Variants in HCN1 observed in about 807,000 individuals in gnomAD.
HCN1 encodes hyperpolarization activated cyclic nucleotide gated potassium channel 1, also known as potassium/sodium hyperpolarization-activated cyclic nucleotide-gated channel 1.
HCN1 carries 13 observed loss-of-function variants against 78.9 expected under a neutral mutation model. That is an observed-to-expected ratio of 0.16 (90% CI 0.11 to 0.26). The LOEUF (loss-of-function observed/expected upper bound fraction) is 0.26. HCN1 is among the 10% of genes least tolerant of loss of function. HCN1 has a pLI of 1.00. For missense variants in HCN1, 810 were observed against 1,154.3 expected (o/e 0.70, Z 4.32); for synonymous variants, 552 against 455.5 (o/e 1.21, Z -2.70).
intron 2 of HCN1, among the ~76,000 whole-genome samples, chr5:45,537,401 TG>T (rs202244817): frequency 3.5e-4 from 27 of 77,294 alleles, no homozygotes; most frequent in Non-Finnish European, 6.9e-4. Flanking sequence ...CATTTTTTTT[TG>T]TTTTTTTTTA....
chr5:45,345,266 AT>A (rs561665926), intron 5 of HCN1, among the ~76,000 whole-genome samples: 7 of 152,036 alleles, frequency 4.6e-5, no homozygotes, highest in African/African-American at 1.7e-4. Context: ...TCATGAAACT[AT>A]TTTTTCCCCC....
intron 2 of HCN1, among the ~76,000 whole-genome samples, chr5:45,606,720 T>TA (rs1486318889): frequency 6.6e-6 from 1 of 151,770 alleles, no homozygotes. Flanking sequence ...AACAAACAAA[T>TA]AAACCCCACT....
intron 1 of HCN1, among the ~76,000 whole-genome samples, chr5:45,682,288 TAC>T (rs10587921): frequency 0.41 from 52,502 of 128,498 alleles, 9,927 homozygotes; most frequent in African/African-American, 0.52. Flanking sequence ...TATATATATA[TAC>T]ACATATATAT....
chr5:45,527,949 A>G (rs1178604369), intron 2 of HCN1, among the ~76,000 whole-genome samples: 1 of 150,702 alleles, frequency 6.6e-6, no homozygotes, highest in African/African-American at 2.4e-5. Flanking sequence ...TTTTTTTTAA[A>G]CCCAAAAATA....
chr5:45,639,380 C>T (rs1424645123), intron 2 of HCN1, among the ~76,000 whole-genome samples: 1 of 152,112 alleles, frequency 6.6e-6, no homozygotes, highest in African/African-American at 2.4e-5. Context: ...ATAAATATTA[C>T]AGAAATATCA....
At chr5:45,265,329 T>A (rs1303791690) in intron 7 of HCN1, among the ~76,000 whole-genome samples, 1 of 152,232 alleles carries the variant, frequency 6.6e-6, no homozygotes, top group African/African-American at 2.4e-5. Flanking sequence ...ACTCATTGCT[T>A]AGAAATTAGT....
At chr5:45,674,068 T>C (rs1004541463) in intron 1 of HCN1, among the ~76,000 whole-genome samples, 1 of 151,460 alleles carries the variant, frequency 6.6e-6, no homozygotes, top group Non-Finnish European at 1.5e-5. Flanking sequence ...ATACTCAGCT[T>C]TCCATGGGAT....
At chr5:45,385,593 TA>T (rs1180491199) in intron 4 of HCN1, among the ~76,000 whole-genome samples, 1 of 150,828 alleles carries the variant, frequency 6.6e-6, no homozygotes, top group Non-Finnish European at 1.5e-5. Flanking sequence ...TCTGAAAATC[TA>T]TTGTAAAGTT....
intron 2 of HCN1, among the ~76,000 whole-genome samples, chr5:45,502,442 A>T (rs920545053): frequency 2.6e-5 from 4 of 152,176 alleles, no homozygotes; most frequent in Non-Finnish European, 4.4e-5. Context: ...AAAATCAAGA[A>T]ATACGAATTC....
intron 2 of HCN1, among the ~76,000 whole-genome samples, chr5:45,580,743 G>A (rs1339918634): frequency 1.3e-5 from 2 of 152,032 alleles, no homozygotes; most frequent in South Asian, 2.1e-4. Context: ...CTGTGGCCAT[G>A]TGTTCTCATT....
intron 2 of HCN1, among the ~76,000 whole-genome samples, chr5:45,548,336 G>T (rs1743274576): frequency 6.6e-6 from 1 of 151,614 alleles, no homozygotes; most frequent in Non-Finnish European, 1.5e-5. Flanking sequence ...TCTAAGCCTA[G>T]ATTTAACACA....
intron 2 of HCN1, among the ~76,000 whole-genome samples, chr5:45,607,022 T>TA (rs1394864721): frequency 1.3e-5 from 2 of 151,678 alleles, no homozygotes; most frequent in African/African-American, 4.8e-5. Flanking sequence ...CAAAGAAAGT[T>TA]AAAAAAATAT....
chr5:45,517,520 TAAAAAAAAAAAAAA>T (rs773490588), intron 2 of HCN1, among the ~76,000 whole-genome samples: 13 of 94,368 alleles, frequency 1.4e-4, no homozygotes, highest in African/African-American at 5.4e-4. Context: ...AATTTCCCCT[TAAAAAAAAAAAAAA>T]AAAAAAAAAA....
chr5:45,344,298 A>G (rs951182974), intron 5 of HCN1, among the ~76,000 whole-genome samples: 1 of 152,138 alleles, frequency 6.6e-6, no homozygotes, highest in African/African-American at 2.4e-5. Flanking sequence ...GGGAGCTACA[A>G]TTCAAGATGA....
chr5:45,274,478 C>G (rs577476002), intron 6 of HCN1, among the ~76,000 whole-genome samples: 3 of 152,150 alleles, frequency 2.0e-5, no homozygotes, highest in Non-Finnish European at 4.4e-5. Flanking sequence ...TTAACTAAAA[C>G]AGTGCCTGTA....
chr5:45,525,376 G>T (rs994153186), intron 2 of HCN1, among the ~76,000 whole-genome samples: 1 of 151,748 alleles, frequency 6.6e-6, no homozygotes, highest in Non-Finnish European at 1.5e-5. Flanking sequence ...AATTATCTTT[G>T]TCTGCAATGA....
chr5:45,447,947 G>C (rs1489294019), intron 3 of HCN1, among the ~76,000 whole-genome samples: 1 of 151,606 alleles, frequency 6.6e-6, no homozygotes, highest in African/African-American at 2.4e-5. Flanking sequence ...CATTAAACTA[G>C]AGCTTTCTCT....
At chr5:45,527,261 A>G (rs1742755722) in intron 2 of HCN1, among the ~76,000 whole-genome samples, 1 of 137,644 alleles carries the variant, frequency 7.3e-6, no homozygotes, top group Non-Finnish European at 1.6e-5. Context: ...CTTCATTTGC[A>G]TGGCGTATAG....
intron 5 of HCN1, among the ~76,000 whole-genome samples, chr5:45,327,334 G>A (rs1746256593): frequency 6.6e-6 from 1 of 151,692 alleles, no homozygotes; most frequent in Admixed American, 6.6e-5. Flanking sequence ...TACATCTGAA[G>A]ACTTAATTCT....
Sources: gnomAD v4.1 joint callset for allele counts (sites outside exome capture counted in the v4.1 genomes callset) on GRCh38, gnomAD v4.1.1 for gene constraint, MANE v1.5 for transcripts, NCBI Gene and HGNC (gene_info 2026-07-23, HGNC 2026-07-21) for gene names.